Variants in URM1 observed in about 807,000 individuals in gnomAD.
URM1 encodes the protein ubiquitin-related modifier 1.
Under a neutral mutation model 17.7 loss-of-function variants are expected in URM1, and 11 were observed. The observed-to-expected ratio is 0.62, with a 90% CI of 0.39 to 1.03. URM1 has a LOEUF of 1.03. URM1 is among the 50% of genes least tolerant of loss of function. URM1 has a pLI of 0.00. For missense variants in URM1, 128 were observed against 129.2 expected (o/e 0.99, Z 0.04); for synonymous variants, 48 against 50.6 (o/e 0.95, Z 0.22).
intron 1 of URM1, 127 bp from the exon 2 acceptor site, chr9:128,377,892 ACTGCACCCAAGGTGTTT>A: frequency 9.5e-6 from 7 of 736,012 alleles, no homozygotes; most frequent in Non-Finnish European, 1.6e-5. Flanking sequence ...AGAATTAGTC[ACTGCACCCAAGGTGTTT>A]CTGCACCTTA....
Position 128,389,263 on chromosome 9 carries a change from G to C in URM1, c.191G>C (p.Arg64Pro). ...ACTCACCACCATCTTTCCCACAGGC[G>C]GCCAGGAATTCTGGTGCTGATTAAC... is the stretch of plus-strand genomic sequence containing the variant. ...PELFIQGDSV[R>P]PGILVLINDA... Residue 64 changes from arginine (R) to proline (P), a missense_variant and splice_region_variant, in exon 4 of 5, where the codon CGG (arginine) becomes CCG (proline). Arg to Pro is a moderately radical substitution (Grantham distance 103). Coordinates refer to ENST00000372853, the MANE Select transcript of URM1 (RefSeq NM_030914.4). 3 of 1,596,852 alleles carry C rather than the reference G, an allele frequency of 1.9e-6. No individual in the cohort carries two copies. Among genetic ancestry groups the C allele is most frequent in the Non-Finnish European group, 2.6e-6 (3 of 1,168,830 alleles).
intron 1 of URM1, among the ~76,000 whole-genome samples, chr9:128,373,099 C>G (rs917340531): frequency 4.6e-5 from 7 of 151,952 alleles, no homozygotes; most frequent in African/African-American, 1.5e-4. Context: ...TTTTTCTGAC[C>G]CAATCATCTC....
chr9:128,373,578 G>T (rs1833039656), intron 1 of URM1, among the ~76,000 whole-genome samples: 1 of 152,088 alleles, frequency 6.6e-6, no homozygotes, highest in Non-Finnish European at 1.5e-5. Context: ...GCCACCCTTT[G>T]TCTTCCCCCT....
intron 2 of URM1, among the ~76,000 whole-genome samples, chr9:128,380,261 C>A (rs73669903): frequency 1.3e-5 from 2 of 152,330 alleles, no homozygotes; most frequent in African/African-American, 4.8e-5. Context: ...CCGCACCTCT[C>A]TGTCCCTCCC....
rs939578435 is a variant in URM1 at position 128,387,279 on chromosome 9, C to T, written c.107-537C>T. Reference sequence around the variant, plus strand: ...CTAGCTGGTGAATGATCCTTCTCTCCCTCTGCCAGAGGAAATTAACTGATG... The same window carrying T: ...CTAGCTGGTGAATGATCCTTCTCTCTCTCTGCCAGAGGAAATTAACTGATG... On this transcript the variant is annotated intron_variant, in intron 2 of 4. Coordinates refer to ENST00000372853, the MANE Select transcript of URM1 (RefSeq NM_030914.4). The surrounding 1 kb of genome is among the most constrained non-coding windows in gnomAD (Gnocchi z 4.3). Among the ~76,000 whole-genome samples, 2 of 152,236 alleles carry T rather than the reference C, an allele frequency of 1.3e-5. No homozygotes were observed. The highest frequency in any genetic ancestry group is 2.9e-5 in the Non-Finnish European group (2 of 68,046).
At chr9:128,377,861 A>G in intron 1 of URM1, 175 bp from the exon 2 acceptor site, 1 of 652,342 alleles carries the variant, frequency 1.5e-6, no homozygotes, top group Non-Finnish European at 2.7e-6. Flanking sequence ...ACCTGTCTCT[A>G]AGAAAGAAAG....
chr9:128,377,171 C>T (rs1326472241), intron 1 of URM1, among the ~76,000 whole-genome samples: 6 of 152,018 alleles, frequency 3.9e-5, no homozygotes, highest in Non-Finnish European at 8.8e-5. Context: ...CACACCTAGC[C>T]GGTACTTGAT....
chr9:128,389,674 G>C lies in URM1; in HGVS notation c.246G>C (p.Leu82=), dbSNP rs778977986. 6.2e-7 allele frequency: 1 copy of C among 1,613,516 alleles called. No individual in the cohort carries two copies. The highest frequency in any genetic ancestry group is 8.5e-7 in the Non-Finnish European group (1 of 1,179,984). The change falls in exon 5 of 5, where the codon CTG becomes CTC. Residue 82 remains leucine, a synonymous_variant. Coordinates refer to ENST00000372853, the MANE Select transcript of URM1 (RefSeq NM_030914.4). ...CCTCTCTCCCGCACCAGGGTGAGCT[G>C]GACTACCAGCTTCAGGACCAGGACA... The part of the protein sequence containing the change: ...NDADWELLGE[L]DYQLQDQDSV...
intron 1 of URM1, among the ~76,000 whole-genome samples, chr9:128,372,990 A>G (rs1018706345): frequency 1.3e-5 from 2 of 152,162 alleles, no homozygotes; most frequent in Non-Finnish European, 2.9e-5. Flanking sequence ...TTGTTTATCA[A>G]CAATGTCTCT....
intron 1 of URM1, among the ~76,000 whole-genome samples, chr9:128,375,981 T>G (rs1442831465): frequency 6.6e-6 from 1 of 152,102 alleles, no homozygotes; most frequent in African/African-American, 2.4e-5. Flanking sequence ...AAGGCTGTGT[T>G]CTGCACCTGT....
At position 128,390,123 on chromosome 9, in the gene URM1, G is replaced by A. The variant is rs1325695151; in HGVS notation, c.*389G>A. On this transcript the variant is annotated 3_prime_UTR_variant, in exon 5 of 5. Transcript: ENST00000372853. ...GCCCCAGAGCCAGCGTCTTCATGGGGAAGATGAATGGACCTGAGTAGCTGA... is the reference window on the plus strand; with the variant it reads ...GCCCCAGAGCCAGCGTCTTCATGGGAAAGATGAATGGACCTGAGTAGCTGA... The A allele has an allele frequency of 1.2e-5, 3 of 256,482 alleles. No homozygotes were observed. The highest frequency in any genetic ancestry group is 2.3e-5 in the Non-Finnish European group (3 of 133,018). 15.9% of individuals were successfully genotyped at this position (256,482 alleles called of 1,614,324 possible).
chr9:128,380,886 G>A (rs1398869380), intron 2 of URM1, among the ~76,000 whole-genome samples: 5 of 151,974 alleles, frequency 3.3e-5, no homozygotes, highest in African/African-American at 1.2e-4. Context: ...ATGCAGTGGC[G>A]CGATCTTGGC....
At chr9:128,382,914 C>T (rs1227692405) in intron 2 of URM1, among the ~76,000 whole-genome samples, 1 of 152,122 alleles carries the variant, frequency 6.6e-6, no homozygotes, top group Non-Finnish European at 1.5e-5. Flanking sequence ...TTCAAGCATC[C>T]CTTTGACCCA....
chr9:128,376,430 C>T (rs1262517310), intron 1 of URM1, among the ~76,000 whole-genome samples: 1 of 150,808 alleles, frequency 6.6e-6, no homozygotes, highest in Non-Finnish European at 1.5e-5. Flanking sequence ...GAGGCTGAGG[C>T]AGGTGGATCA....
intron 3 of URM1, 185 bp from the exon 4 acceptor site, chr9:128,389,076 G>T: frequency 7.1e-7 from 1 of 1,404,996 alleles, no homozygotes. Context: ...CAAAGACCAT[G>T]CATGACTGAC....
At chr9:128,383,576 C>G (rs1833188061) in intron 2 of URM1, among the ~76,000 whole-genome samples, 1 of 152,104 alleles carries the variant, frequency 6.6e-6, no homozygotes, top group African/African-American at 2.4e-5. Context: ...GGCATGGTCC[C>G]CGTGGACCAT....
At chr9:128,382,722 T>A (rs1283415195) in intron 2 of URM1, among the ~76,000 whole-genome samples, 1 of 152,210 alleles carries the variant, frequency 6.6e-6, no homozygotes, top group African/African-American at 2.4e-5. Context: ...GGTTGTCTCT[T>A]TGACATCTAT....
chr9:128,389,034 G>T, intron 3 of URM1: 1 of 1,348,364 alleles, frequency 7.4e-7, no homozygotes, highest in South Asian at 2.1e-5. Context: ...GGTGGTGCTG[G>T]CTGGCATTTG....
At chr9:128,371,463 G>A in intron 1 of URM1, 48 bp downstream of exon 1, 1 of 1,596,562 alleles carries the variant, frequency 6.3e-7, no homozygotes, top group Non-Finnish European at 8.6e-7. Context: ...AAGTCGTCGG[G>A]CCCAGAATTC....
Sources: gnomAD v4.1 joint callset for allele counts (sites outside exome capture counted in the v4.1 genomes callset) on GRCh38, gnomAD v4.1.1 for gene constraint, Gnocchi (gnomAD v3.1) non-coding constraint, MANE v1.5 for transcripts, NCBI Gene and HGNC (gene_info 2026-07-23, HGNC 2026-07-21) for gene names.